ESYT2: variants seen among roughly 807,000 people sequenced by gnomAD.
ESYT2 encodes extended synaptotagmin-2.
In ESYT2, 54 loss-of-function variants were observed where a neutral mutation model predicts 107.2. The observed-to-expected ratio is 0.50, with a 90% CI of 0.40 to 0.63. The LOEUF (loss-of-function observed/expected upper bound fraction) is 0.63. ESYT2 is among the 30% of genes least tolerant of loss of function. The pLI is 0.00. For synonymous variants in ESYT2, 491 were observed against 434.1 expected (o/e 1.13, Z -1.63); for missense variants, 1,020 against 1,094.5 (o/e 0.93, Z 0.96).
At chr7:158,814,903 G>T (rs1840107301) in intron 1 of ESYT2, among the ~76,000 whole-genome samples, 1 of 152,034 alleles carries the variant, frequency 6.6e-6, no homozygotes, top group Admixed American at 6.6e-5. Context: ...AGATTAGATG[G>T]TGCCAAATCC....
intron 7 of ESYT2, 27 bp downstream of exon 7, chr7:158,773,314 G>C (rs1165466530): frequency 6.2e-7 from 1 of 1,613,780 alleles, no homozygotes; most frequent in South Asian, 1.1e-5. Flanking sequence ...CGAACGCTAA[G>C]CCTCCGGGAC....
intron 6 of ESYT2, among the ~76,000 whole-genome samples, chr7:158,776,732 T>C (rs1215544275): frequency 6.6e-6 from 1 of 152,246 alleles, no homozygotes; most frequent in African/African-American, 2.4e-5. Flanking sequence ...GCAGCACTTT[T>C]ATTTTCCTTC....
intron 4 of ESYT2, among the ~76,000 whole-genome samples, chr7:158,792,748 C>T (rs1445949176): frequency 6.8e-6 from 1 of 148,130 alleles, no homozygotes; most frequent in East Asian, 2.0e-4. Context: ...TTTTTAACCA[C>T]TGAGTATAAC....
intron 1 of ESYT2, among the ~76,000 whole-genome samples, chr7:158,815,715 C>T (rs2129474110): frequency 6.6e-6 from 1 of 152,244 alleles, no homozygotes; most frequent in South Asian, 2.1e-4. Context: ...CCTCATCCCA[C>T]CTCTGAAAGA....
Position 158,760,107 on chromosome 7 carries a change from A to G in ESYT2, c.1274T>C (p.Leu425Ser). Residue 425 changes from leucine (L) to serine (S), a missense_variant, in exon 12 of 23, where the codon TTG becomes TCG. Transcript: ENST00000275418. ...CATTAACGTGAGCCACTCCAGTCTC[A>G]AGTGTAGCTTCCCCTTGGGAACCTC... ...LDEVPKGKLHLRLEWLTLMPN... is the reference protein window; with the variant it reads ...LDEVPKGKLHSRLEWLTLMPN... The G allele has an allele frequency of 6.2e-7, 1 of 1,614,222 alleles. No individual in the cohort carries two copies. Among genetic ancestry groups the G allele is most frequent in the Non-Finnish European group, 8.5e-7 (1 of 1,180,038 alleles).
intron 1 of ESYT2, 25 bp downstream of exon 1, chr7:158,829,064 G>C (rs1388444153): frequency 5.7e-6 from 9 of 1,573,196 alleles, no homozygotes; most frequent in East Asian, 2.4e-5. Flanking sequence ...GTCAGGGGTC[G>C]GGACGGGCAG....
intron 1 of ESYT2, among the ~76,000 whole-genome samples, chr7:158,811,473 T>A (rs1306102263): frequency 6.6e-6 from 1 of 152,132 alleles, no homozygotes; most frequent in Admixed American, 6.6e-5. Context: ...GCCAAACTAG[T>A]TAATCACTGA....
At chr7:158,797,522 C>T (rs973784430) in intron 3 of ESYT2, among the ~76,000 whole-genome samples, 10 of 151,236 alleles carry the variant, frequency 6.6e-5, no homozygotes, top group African/African-American at 2.4e-4. Context: ...GGGAGGGCAA[C>T]ATAGTGAGGC....
intron 1 of ESYT2, among the ~76,000 whole-genome samples, chr7:158,810,073 C>T (rs531772135): frequency 7.9e-5 from 12 of 152,268 alleles, no homozygotes; most frequent in South Asian, 4.1e-4. Flanking sequence ...TCATTTGTTG[C>T]CAGTGGTAAT....
intron 6 of ESYT2, among the ~76,000 whole-genome samples, chr7:158,781,775 G>A (rs893700157): frequency 2.0e-5 from 3 of 151,378 alleles, no homozygotes; most frequent in African/African-American, 7.4e-5. Flanking sequence ...GTGTAAGAAC[G>A]AGAACAAGTG....
intron 10 of ESYT2, among the ~76,000 whole-genome samples, chr7:158,762,650 C>T (rs926559127): frequency 6.6e-6 from 1 of 152,002 alleles, no homozygotes; most frequent in Non-Finnish European, 1.5e-5. Flanking sequence ...ATTTATTTTC[C>T]CAATGTGAAT....
intron 6 of ESYT2, among the ~76,000 whole-genome samples, chr7:158,775,232 C>T (rs1353612469): frequency 6.6e-6 from 1 of 152,164 alleles, no homozygotes; most frequent in Admixed American, 6.5e-5. Context: ...GCCTTCAGCG[C>T]GTCATAATCT....
rs114112388 is a variant in ESYT2 at position 158,812,174 on chromosome 7, C to T, written c.331-13102G>A. Among the ~76,000 whole-genome samples the T allele has an allele frequency of 7.9e-3, 1,201 of 152,282 alleles. 28 individuals carry two copies. The highest frequency in any genetic ancestry group is 0.028 in the African/African-American group (1,159 of 41,546). Reference sequence around the variant, plus strand: ...TGTGCCCACTCTGCCTTCCAGAGGACGGGGGAGCCCCTCTGGAGGAGTACA... The same window carrying T: ...TGTGCCCACTCTGCCTTCCAGAGGATGGGGGAGCCCCTCTGGAGGAGTACA... On this transcript the variant is annotated intron_variant, in intron 1 of 22. Transcript: ENST00000275418.
chr7:158,792,155 G>C (rs1431889542), intron 4 of ESYT2, among the ~76,000 whole-genome samples: 2 of 138,296 alleles, frequency 1.4e-5, no homozygotes, highest in Non-Finnish European at 3.1e-5. Flanking sequence ...TTAGTTCCAC[G>C]AGTTCTTTTT....
intron 13 of ESYT2, among the ~76,000 whole-genome samples, chr7:158,753,461 T>TTA (rs1837649148): frequency 6.6e-6 from 1 of 152,208 alleles, no homozygotes; most frequent in Non-Finnish European, 1.5e-5. Context: ...TTTTTCCAAT[T>TTA]CATTAGTTTC....
intron 6 of ESYT2, among the ~76,000 whole-genome samples, chr7:158,779,671 G>A (rs548543827): frequency 1.3e-5 from 2 of 152,202 alleles, no homozygotes; most frequent in South Asian, 2.1e-4. Flanking sequence ...ACGGTGCTGC[G>A]GCCCCTTCTG....
At chr7:158,794,308 C>T (rs1226820237) in intron 3 of ESYT2, among the ~76,000 whole-genome samples, 1 of 152,180 alleles carries the variant, frequency 6.6e-6, no homozygotes, top group African/African-American at 2.4e-5. Flanking sequence ...GCCTGGGCAA[C>T]ATGGTTAAAA....
At position 158,829,232 on chromosome 7, in the gene ESYT2, C is replaced by A; in HGVS notation, c.187G>T (p.Val63Phe). 6.5e-7 allele frequency: 1 copy of A among 1,529,370 alleles called. No individual in the cohort carries two copies. Among genetic ancestry groups the A allele is most frequent in the South Asian group, 1.2e-5 (1 of 83,804 alleles). 94.7% of individuals were successfully genotyped at this position (1,529,370 alleles called of 1,614,324 possible). Reference sequence around the variant, plus strand: ...GCGAGCAGCGCGAGCGCGAGGAGAACCCAGCTGAAGCTGAGCCCCAGGTAG... The same window carrying A: ...GCGAGCAGCGCGAGCGCGAGGAGAAACCAGCTGAAGCTGAGCCCCAGGTAG... The part of the protein sequence containing the change: ...LGYLGLSFSW[V>F]LLALALLAWC... Residue 63 changes from valine to phenylalanine, a missense_variant, in exon 1 of 23, where the codon GTT becomes TTT. Transcript: ENST00000275418.
Position 158,735,514 on chromosome 7 carries a change from G to T in ESYT2, c.2494C>A (p.Leu832Ile). The T allele has an allele frequency of 6.2e-7, 1 of 1,613,970 alleles. No individual in the cohort carries two copies. The highest frequency in any genetic ancestry group is 8.5e-7 in the Non-Finnish European group (1 of 1,179,852). Reference protein sequence around the residue: ...SGGFLSKDKGLLGKVLVALAS... With the variant: ...SGGFLSKDKGILGKVLVALAS... ...CGTTTGGCACTTACTTTGCCAAGGAGCCCTTTGTCTTTGGACAGGAAGCCG... is the reference window on the plus strand; with the variant it reads ...CGTTTGGCACTTACTTTGCCAAGGATCCCTTTGTCTTTGGACAGGAAGCCG... Residue 832 changes from leucine (L) to isoleucine (I), a missense_variant, in exon 21 of 23, where the codon CTC becomes ATC. Leu to Ile is a conservative substitution (Grantham distance 5, BLOSUM62 2). Transcript: ENST00000275418.
Sources: gnomAD v4.1 joint callset for allele counts (sites outside exome capture counted in the v4.1 genomes callset) on GRCh38, gnomAD v4.1.1 for gene constraint, MANE v1.5 for transcripts, NCBI Gene and HGNC (gene_info 2026-07-23, HGNC 2026-07-21) for gene names.